The following MIPOL1 variants were observed in gnomAD, a reference collection of about 807,000 sequenced individuals.
The protein encoded by MIPOL1 is mirror-image polydactyly 1.
Under a neutral mutation model 60.9 loss-of-function variants are expected in MIPOL1, and 57 were observed. The observed-to-expected ratio is 0.94, with a 90% confidence interval of 0.76 to 1.17. The LOEUF is 1.17. Ranked by LOEUF, MIPOL1 falls within the 50% of genes most tolerant of loss-of-function variation. MIPOL1 has a pLI of 0.00. For synonymous variants in MIPOL1, 179 were observed against 168.8 expected, an observed-to-expected ratio of 1.06 and a Z score of -0.47; for missense variants, 551 against 511.6, an observed-to-expected ratio of 1.08 and a Z score of -0.74.
intron 7 of MIPOL1, among the ~76,000 whole-genome samples, chr14:37,304,333 T>C (rs2086600354): frequency 6.6e-6 from 1 of 151,686 alleles, no homozygotes; most frequent in Admixed American, 6.6e-5. Flanking sequence ...GCTTTTTCTC[T>C]TTTTTGGCTT....
At chr14:37,460,585 G>C (rs1030498925) in intron 11 of MIPOL1, among the ~76,000 whole-genome samples, 6 of 152,170 alleles carry the variant, frequency 3.9e-5, no homozygotes, top group African/African-American at 1.4e-4. Context: ...GTTCACTGAT[G>C]ACATGATCTT....
chr14:37,370,343 C>T (rs796576105), intron 10 of MIPOL1, among the ~76,000 whole-genome samples: 10 of 152,168 alleles, frequency 6.6e-5, no homozygotes, highest in African/African-American at 2.4e-4. Flanking sequence ...GTAGTTGTCT[C>T]TACCCTCAAG....
intron 9 of MIPOL1, among the ~76,000 whole-genome samples, chr14:37,317,218 T>C (rs2088009488): frequency 6.6e-6 from 1 of 152,138 alleles, no homozygotes; most frequent in Admixed American, 6.6e-5. Context: ...AAATGTTAGA[T>C]TAATTTAGAT....
intron 6 of MIPOL1, 44 bp downstream of exon 6, chr14:37,270,569 C>T: frequency 9.7e-7 from 1 of 1,033,344 alleles, no homozygotes. Context: ...GAATCACACA[C>T]AAGGTTATTA....
chr14:37,333,119 C>A (rs566687127), intron 9 of MIPOL1, among the ~76,000 whole-genome samples: 5 of 152,178 alleles, frequency 3.3e-5, no homozygotes, highest in South Asian at 2.1e-4. Flanking sequence ...ATTAATAAAT[C>A]TTTACCTTTG....
intron 9 of MIPOL1, among the ~76,000 whole-genome samples, chr14:37,356,342 G>A (rs2091823676): frequency 6.6e-6 from 1 of 151,830 alleles, no homozygotes; most frequent in African/African-American, 2.4e-5. Context: ...AGTCTGCAGA[G>A]GTTACTGCTG....
intron 7 of MIPOL1, among the ~76,000 whole-genome samples, chr14:37,299,405 G>A (rs57624526): frequency 0.074 from 11,178 of 151,722 alleles, 1,385 homozygotes; most frequent in African/African-American, 0.26. Flanking sequence ...AAACCTGCAC[G>A]TTGTGCACAT....
intron 1 of MIPOL1, among the ~76,000 whole-genome samples, chr14:37,242,594 A>G (rs963377034): frequency 1.3e-5 from 2 of 152,124 alleles, no homozygotes; most frequent in East Asian, 1.9e-4. Context: ...CCAGTTCTCT[A>G]TTGACGGACA....
At chr14:37,365,683 C>T (rs1327735163) in intron 9 of MIPOL1, among the ~76,000 whole-genome samples, 1 of 151,886 alleles carries the variant, frequency 6.6e-6, no homozygotes, top group Non-Finnish European at 1.5e-5. Context: ...TTTGATGTGT[C>T]TTGGTCTTGT....
At chr14:37,418,852 C>T (rs947325485) in intron 10 of MIPOL1, among the ~76,000 whole-genome samples, 2 of 151,604 alleles carry the variant, frequency 1.3e-5, no homozygotes, top group Non-Finnish European at 2.9e-5. Context: ...TGTTTTAAAG[C>T]GATATCATTA....
chr14:37,422,927 C>G lies in MIPOL1; in HGVS notation c.1009C>G (p.Gln337Glu), dbSNP rs775768736. ...QQYKKLEEEIQTLRVYYSLHK... is the reference protein window; with the variant it reads ...QQYKKLEEEIETLRVYYSLHK... ...GTACAAAAAACTGGAAGAGGAAATC[C>G]AGACCCTTCGAGTTTACTACAGGTA... The change falls in exon 11 of 13, where the codon CAG (glutamine) becomes GAG (glutamate). Residue 337 changes from glutamine (Q) to glutamate (E), a missense_variant. By Grantham distance (29) the Gln-to-Glu change is conservative. Transcript: ENST00000684589. The G allele has an allele frequency of 6.2e-7, 1 of 1,606,358 alleles. No homozygotes were observed. The highest frequency in any genetic ancestry group is 8.5e-7 in the Non-Finnish European group (1 of 1,175,302).
chr14:37,385,782 T>G (rs2093050755), intron 10 of MIPOL1: 1 of 152,008 alleles, frequency 6.6e-6, no homozygotes, highest in African/African-American at 2.4e-5. Flanking sequence ...AAAAACTGCT[T>G]TTTCCTGTGC....
chr14:37,376,986 A>G (rs980655327), intron 10 of MIPOL1, among the ~76,000 whole-genome samples: 2 of 152,000 alleles, frequency 1.3e-5, no homozygotes, highest in African/African-American at 2.4e-5. Flanking sequence ...ATCTTTTCCT[A>G]TGGCATCACC....
At chr14:37,312,520 G>C (rs2087440489) in intron 9 of MIPOL1, among the ~76,000 whole-genome samples, 1 of 152,080 alleles carries the variant, frequency 6.6e-6, no homozygotes, top group Non-Finnish European at 1.5e-5. Flanking sequence ...TTCAGATTCA[G>C]TTATAATTTG....
intron 11 of MIPOL1, among the ~76,000 whole-genome samples, chr14:37,427,766 G>T (rs979385349): frequency 2.0e-5 from 3 of 152,094 alleles, no homozygotes; most frequent in Non-Finnish European, 4.4e-5. Flanking sequence ...TTAAATGAAA[G>T]TAAACAGTAT....
intron 11 of MIPOL1, among the ~76,000 whole-genome samples, chr14:37,492,047 G>C (rs2153606590): frequency 6.6e-6 from 1 of 152,292 alleles, no homozygotes; most frequent in South Asian, 2.1e-4. Context: ...GGGTCTCACT[G>C]TGTTGCTCAG....
chr14:37,282,385 C>T (rs1239024741), intron 6 of MIPOL1, among the ~76,000 whole-genome samples: 2 of 151,884 alleles, frequency 1.3e-5, no homozygotes, highest in African/African-American at 4.8e-5. Flanking sequence ...GGATTGCAGG[C>T]ATGCACCACC....
intron 1 of MIPOL1, among the ~76,000 whole-genome samples, chr14:37,238,449 G>A (rs1971827832): frequency 1.3e-5 from 2 of 151,998 alleles, no homozygotes; most frequent in Middle Eastern, 3.2e-3. Flanking sequence ...GGCATATAAT[G>A]TTTGTCTTTT....
intron 7 of MIPOL1, among the ~76,000 whole-genome samples, chr14:37,294,115 T>C (rs8004441): frequency 0.34 from 51,996 of 151,826 alleles, 8,976 homozygotes; most frequent in East Asian, 0.46. Flanking sequence ...ACAAAACTTC[T>C]AGAGGAACGA....
Sources: gnomAD v4.1 joint callset for allele counts (sites outside exome capture counted in the v4.1 genomes callset) on GRCh38, gnomAD v4.1.1 for gene constraint, MANE v1.5 for transcripts, NCBI Gene and HGNC (gene_info 2026-07-23, HGNC 2026-07-21) for gene names.